The following STAC variants were observed in gnomAD, a reference collection of about 807,000 sequenced individuals.
STAC encodes SH3 and cysteine-rich domain-containing protein.
In STAC, 43 loss-of-function variants were observed where a neutral mutation model predicts 48.8. The ratio of observed to expected loss-of-function variants is 0.88; its 90% CI spans 0.69 to 1.14. The LOEUF (loss-of-function observed/expected upper bound fraction) is 1.14, where lower values mean the gene tolerates loss of function less well. Among genes scored for constraint, STAC ranks in the 50% most tolerant of loss-of-function variants. STAC has a pLI of 0.00. For missense variants in STAC, 497 were observed against 504.0 expected (o/e 0.99, Z 0.13); for synonymous variants, 193 against 179.5 (o/e 1.07, Z -0.60).
chr3:36,408,023 G>T (rs1700118516), intron 1 of STAC, among the ~76,000 whole-genome samples: 1 of 152,256 alleles, frequency 6.6e-6, no homozygotes, highest in Non-Finnish European at 1.5e-5. Context: ...GTAACTAGAG[G>T]CCACTGTAGG....
intron 2 of STAC, among the ~76,000 whole-genome samples, chr3:36,467,275 T>C (rs1387103225): frequency 6.6e-6 from 1 of 152,180 alleles, no homozygotes; most frequent in East Asian, 1.9e-4. Flanking sequence ...TTTGCATCTA[T>C]ATTCATCAGG....
chr3:36,546,056 C>T, intron 10 of STAC, 135 bp from the exon 11 acceptor site: 3 of 669,060 alleles, frequency 4.5e-6, no homozygotes, highest in Non-Finnish European at 7.7e-6. Flanking sequence ...GTGCTGGTTT[C>T]CCACCCTAAA....
At chr3:36,479,966 A>G (rs1697601052) in intron 2 of STAC, among the ~76,000 whole-genome samples, 1 of 152,242 alleles carries the variant, frequency 6.6e-6, no homozygotes, top group Non-Finnish European at 1.5e-5. Context: ...CAGAGTGGAC[A>G]TTGAAACATC....
At chr3:36,410,452 AGAG>A (rs1700171168) in intron 1 of STAC, among the ~76,000 whole-genome samples, 1 of 152,202 alleles carries the variant, frequency 6.6e-6, no homozygotes, top group South Asian at 2.1e-4. Flanking sequence ...CATTCAACAA[AGAG>A]GCTAATAGAA....
At chr3:36,476,763 C>T (rs1192612317) in intron 2 of STAC, among the ~76,000 whole-genome samples, 1 of 152,214 alleles carries the variant, frequency 6.6e-6, no homozygotes, top group Non-Finnish European at 1.5e-5. Flanking sequence ...ATCCTTAGCC[C>T]TTAAATTCCT....
At chr3:36,390,410 C>G (rs1358305802) in intron 1 of STAC, among the ~76,000 whole-genome samples, 2 of 135,452 alleles carry the variant, frequency 1.5e-5, no homozygotes, top group Non-Finnish European at 3.2e-5. Flanking sequence ...TTTCAGATGA[C>G]TTTTTGGCAA....
Position 36,380,675 on chromosome 3 carries a change from G to C in STAC, c.32G>C (p.Gly11Ala). MIPPSSPRED[G>A]VDGLPKEAVG... ...CCTCCGAGCAGCCCCCGCGAGGACG[G>C]CGTGGACGGGCTGCCCAAGGAGGCG... The change falls in exon 1 of 11, where the codon GGC becomes GCC. Residue 11 changes from glycine (G) to alanine (A), a missense_variant. Coordinates refer to ENST00000273183, the MANE Select transcript of STAC (RefSeq NM_003149.3). 6.2e-7 allele frequency: 1 copy of C among 1,606,678 alleles called. No individual in the cohort carries two copies. Among genetic ancestry groups the C allele is most frequent in the Non-Finnish European group, 8.5e-7 (1 of 1,177,066 alleles).
intron 10 of STAC, 113 bp from the exon 11 acceptor site, chr3:36,546,077 CT>C: frequency 2.5e-6 from 2 of 812,204 alleles, no homozygotes; most frequent in Non-Finnish European, 4.1e-6. Context: ...ACTGCTCTCC[CT>C]TTTCCAGTTT....
At chr3:36,422,144 T>C (rs372677447) in intron 1 of STAC, among the ~76,000 whole-genome samples, 182 of 87,758 alleles carry the variant, frequency 2.1e-3, no homozygotes, top group African/African-American at 7.7e-3. Flanking sequence ...AAAAAGAGTT[T>C]CCCAAGATCT....
At chr3:36,524,864 C>G (rs1013730239) in intron 8 of STAC, among the ~76,000 whole-genome samples, 3 of 152,070 alleles carry the variant, frequency 2.0e-5, no homozygotes, top group Admixed American at 6.6e-5. Context: ...GGGCTACCCT[C>G]GAGCAAGATC....
At chr3:36,441,503 C>G (rs1696348661) in intron 1 of STAC, among the ~76,000 whole-genome samples, 1 of 152,062 alleles carries the variant, frequency 6.6e-6, no homozygotes, top group South Asian at 2.1e-4. Flanking sequence ...TGTTGTTGGA[C>G]CCATAGATTG....
intron 8 of STAC, among the ~76,000 whole-genome samples, chr3:36,509,229 A>G (rs1042406701): frequency 6.6e-6 from 1 of 152,184 alleles, no homozygotes; most frequent in Admixed American, 6.5e-5. Context: ...TTCTTTAAGA[A>G]TGTTGAATAT....
At chr3:36,411,695 C>A (rs1294387011) in intron 1 of STAC, among the ~76,000 whole-genome samples, 1 of 152,136 alleles carries the variant, frequency 6.6e-6, no homozygotes, top group Non-Finnish European at 1.5e-5. Context: ...GGTTGTAGGT[C>A]CCCTAATGGA....
At chr3:36,491,224 C>T (rs1697958066) in intron 5 of STAC, among the ~76,000 whole-genome samples, 1 of 152,302 alleles carries the variant, frequency 6.6e-6, no homozygotes, top group South Asian at 2.1e-4. Context: ...CTTTGTTCCA[C>T]AGCTTTATTT....
chr3:36,507,420 T>C (rs1575248393), intron 8 of STAC, among the ~76,000 whole-genome samples: 1 of 152,236 alleles, frequency 6.6e-6, no homozygotes. Context: ...ATCAGGATGA[T>C]GCTGACCTCA....
intron 2 of STAC, among the ~76,000 whole-genome samples, chr3:36,448,170 T>TTTATA (rs1261753462): frequency 2.1e-5 from 3 of 140,004 alleles, no homozygotes; most frequent in African/African-American, 7.6e-5. Flanking sequence ...TTTATTTTAT[T>TTTATA]TTATTTTATT....
rs1698881974 is a variant in STAC at position 36,524,493 on chromosome 3, G to A, written c.921-4203G>A. 2.6e-5 allele frequency among the ~76,000 whole-genome samples: 4 copies of A among 152,086 alleles called. No individual in the cohort carries two copies. In the South Asian group the frequency reaches 8.3e-4, roughly 32 times the overall value. On this transcript the variant is annotated intron_variant, in intron 8 of 10. Coordinates refer to ENST00000273183, the MANE Select transcript of STAC (RefSeq NM_003149.3). ...TTTCTTCCCAGCTACTTAGGAGGCT[G>A]AGGCAGGAGAATCGCTTGAACCTGG...
At chr3:36,519,988 G>A (rs1258286653) in intron 8 of STAC, among the ~76,000 whole-genome samples, 3 of 152,118 alleles carry the variant, frequency 2.0e-5, no homozygotes, top group Non-Finnish European at 2.9e-5. Context: ...AGTTTTCTAC[G>A]ACTTGCTTGA....
chr3:36,466,326 G>A (rs1267985928), intron 2 of STAC, among the ~76,000 whole-genome samples: 1 of 152,004 alleles, frequency 6.6e-6, no homozygotes, highest in Non-Finnish European at 1.5e-5. Flanking sequence ...TTGGAAGTTG[G>A]GTAATATGAT....
Sources: gnomAD v4.1 joint callset for allele counts (sites outside exome capture counted in the v4.1 genomes callset) on GRCh38, gnomAD v4.1.1 for gene constraint, MANE v1.5 for transcripts, NCBI Gene and HGNC (gene_info 2026-07-23, HGNC 2026-07-21) for gene names.